ARSB: variants seen among roughly 807,000 people sequenced by gnomAD.
The protein encoded by ARSB is N-acetylgalactosamine-4-sulfatase.
In ARSB, 41 loss-of-function variants were observed where a neutral mutation model predicts 50.9. That is an observed-to-expected ratio of 0.81 (90% confidence interval 0.63 to 1.04). The LOEUF (loss-of-function observed/expected upper bound fraction) is 1.04. Ranked by LOEUF, ARSB falls within the 50% of genes least tolerant of loss-of-function variation. ARSB has a pLI of 0.00. For missense variants in ARSB, 672 were observed against 693.3 expected (o/e 0.97, Z 0.35); for synonymous variants, 269 against 284.8 (o/e 0.94, Z 0.56).
chr5:78,838,275 A>C (rs900630599), intron 6 of ARSB, among the ~76,000 whole-genome samples: 4 of 152,114 alleles, frequency 2.6e-5, no homozygotes, highest in Non-Finnish European at 5.9e-5. Flanking sequence ...GGGATGAGAG[A>C]GATTATAGAC....
intron 3 of ARSB, among the ~76,000 whole-genome samples, chr5:78,961,046 C>A (rs1159386761): frequency 6.6e-6 from 1 of 152,192 alleles, no homozygotes; most frequent in Non-Finnish European, 1.5e-5. Flanking sequence ...CAGTTATGAA[C>A]TGCCTCCAAA....
In ARSB at chr5:78,985,109, A is replaced by AGGTGGGGCGGCCGGCTG. The variant is rs766772376; in HGVS notation, c.123_139dup (p.Leu47ProfsTer15). On this transcript the variant is annotated frameshift_variant, in exon 1 of 8. Coordinates refer to ENST00000264914, the MANE Select transcript of ARSB (RefSeq NM_000046.5). LOFTEE classifies it high-confidence loss of function. ...TAGGTCGTCTGCCAGCAAGAAGACC[A>AGGTGGGGCGGCCGGCTG]GGTGGGGCGGCCGGCTGGCCCCGGC... is the stretch of plus-strand genomic sequence containing the variant. 6.6e-7 allele frequency: 1 copy of AGGTGGGGCGGCCGGCTG among 1,507,866 alleles called. No individual in the cohort carries two copies. The highest frequency in any genetic ancestry group is 8.9e-7 in the Non-Finnish European group (1 of 1,126,588). The allele number at this position is 1,507,866 out of a possible 1,614,324, so 93.4% of individuals were successfully genotyped here.
At chr5:78,786,442 C>T (rs1269745139) in intron 6 of ARSB, among the ~76,000 whole-genome samples, 9 of 152,040 alleles carry the variant, frequency 5.9e-5, no homozygotes, top group Admixed American at 4.6e-4. Flanking sequence ...TACTTTTTGG[C>T]GACTACGAGT....
At chr5:78,784,905 T>C (rs959490338) in intron 6 of ARSB, among the ~76,000 whole-genome samples, 4 of 151,814 alleles carry the variant, frequency 2.6e-5, no homozygotes, top group Non-Finnish European at 5.9e-5. Flanking sequence ...TTCAAGCAAT[T>C]CTCCTGCCTC....
chr5:78,940,963 G>A (rs1054357220), intron 4 of ARSB, among the ~76,000 whole-genome samples: 93 of 152,138 alleles, frequency 6.1e-4, no homozygotes, highest in African/African-American at 2.2e-3. Context: ...ATTTCATTGA[G>A]CAGTGGTTTG....
chr5:78,964,424 G>A lies in ARSB; in HGVS notation c.682C>T (p.Pro228Ser). 1 of 1,613,812 alleles carries A rather than the reference G, an allele frequency of 6.2e-7. No homozygotes were observed. Among genetic ancestry groups the A allele is most frequent in the Non-Finnish European group, 8.5e-7 (1 of 1,179,764 alleles). The change falls in exon 3 of 8, where the codon CCA becomes TCA. Residue 228 changes from proline to serine, a missense_variant. Physicochemically the swap from Pro to Ser is moderately conservative, Grantham distance 74 (BLOSUM62 -1). Transcript: ENST00000264914. ...RAIALITNHP[P>S]EKPLFLYLAL... ...ATAGAAGCAAAACTTACCTTCTCTG[G>A]TGGATGGTTAGTTATGAGGGCTATA...
At chr5:78,816,870 G>A (rs544261968) in intron 6 of ARSB, among the ~76,000 whole-genome samples, 1 of 152,156 alleles carries the variant, frequency 6.6e-6, no homozygotes, top group South Asian at 2.1e-4. Flanking sequence ...TTGGAAGAAG[G>A]TTCTTCTGCA....
At chr5:78,946,450 C>T (rs1207642639) in intron 4 of ARSB, among the ~76,000 whole-genome samples, 1 of 152,060 alleles carries the variant, frequency 6.6e-6, no homozygotes, top group Admixed American at 6.5e-5. Context: ...AAATCGGTAA[C>T]ATTTCTATGT....
intron 6 of ARSB, among the ~76,000 whole-genome samples, chr5:78,811,933 A>AT (rs149487163): frequency 0.11 from 16,672 of 150,574 alleles, 1,217 homozygotes; most frequent in Middle Eastern, 0.22. Flanking sequence ...TCATCCATAC[A>AT]TTTTTTTTTT....
chr5:78,913,305 T>C (rs913667826), intron 4 of ARSB, among the ~76,000 whole-genome samples: 1 of 152,032 alleles, frequency 6.6e-6, no homozygotes, highest in African/African-American at 2.4e-5. Flanking sequence ...TTTGTGTTTT[T>C]AGTAGAGACG....
Position 78,781,846 on chromosome 5 carries a change from C to T in ARSB, c.1336+6G>A. On this transcript the variant is annotated splice_donor_region_variant and intron_variant, in intron 7 of 7. Coordinates refer to ENST00000264914, the MANE Select transcript of ARSB (RefSeq NM_000046.5). Reference sequence around the variant, plus strand: ...GAAGGGAAGTTTGCTAAGCTAAGGACTCTACCTGGGTAGCCCGTGAGGAGT... The same window carrying T: ...GAAGGGAAGTTTGCTAAGCTAAGGATTCTACCTGGGTAGCCCGTGAGGAGT... 1 of 1,614,038 alleles carries T rather than the reference C, an allele frequency of 6.2e-7. No homozygotes were observed.
intron 1 of ARSB, among the ~76,000 whole-genome samples, chr5:78,969,778 A>T (rs1752371210): frequency 6.6e-6 from 1 of 151,862 alleles, no homozygotes. Context: ...CACCATACCT[A>T]ACTAATTTAT....
chr5:78,888,240 C>A (rs1000126165), intron 4 of ARSB, among the ~76,000 whole-genome samples: 2 of 152,202 alleles, frequency 1.3e-5, no homozygotes, highest in Non-Finnish European at 2.9e-5. Flanking sequence ...TTGAAATACA[C>A]ATTCCATTTC....
chr5:78,925,047 G>C (rs1228474479), intron 4 of ARSB, among the ~76,000 whole-genome samples: 2 of 152,178 alleles, frequency 1.3e-5, no homozygotes, highest in Non-Finnish European at 2.9e-5. Context: ...ATATCTCCAA[G>C]GAAGAGGCTG....
intron 5 of ARSB, among the ~76,000 whole-genome samples, chr5:78,862,845 C>A (rs1260906065): frequency 6.6e-6 from 1 of 152,150 alleles, no homozygotes; most frequent in African/African-American, 2.4e-5. Context: ...AAAATTTTTA[C>A]AATTTACCCA....
At chr5:78,834,321 G>A (rs187666948) in intron 6 of ARSB, among the ~76,000 whole-genome samples, 82 of 151,748 alleles carry the variant, frequency 5.4e-4, no homozygotes, top group African/African-American at 1.9e-3. Context: ...TGGTCCAGTG[G>A]CATTAAATAC....
At chr5:78,864,756 G>A (rs1274252773) in intron 5 of ARSB, among the ~76,000 whole-genome samples, 1 of 152,206 alleles carries the variant, frequency 6.6e-6, no homozygotes, top group East Asian at 1.9e-4. Flanking sequence ...CTAAATACAA[G>A]GGGGATACAG....
intron 5 of ARSB, among the ~76,000 whole-genome samples, chr5:78,875,250 A>C (rs1747432106): frequency 6.6e-6 from 1 of 152,206 alleles, no homozygotes; most frequent in South Asian, 2.1e-4. Context: ...TTAACAATGC[A>C]CTTCTAAATA....
chr5:78,817,349 A>G (rs1206322222), intron 6 of ARSB, among the ~76,000 whole-genome samples: 2 of 152,218 alleles, frequency 1.3e-5, no homozygotes, highest in Non-Finnish European at 2.9e-5. Context: ...CTTGAGCTAT[A>G]TCCTTTATGT....
Sources: gnomAD v4.1 joint callset for allele counts (sites outside exome capture counted in the v4.1 genomes callset) on GRCh38, gnomAD v4.1.1 for gene constraint, MANE v1.5 for transcripts, NCBI Gene and HGNC (gene_info 2026-07-23, HGNC 2026-07-21) for gene names.